ATXN7L1: variants seen among roughly 807,000 people sequenced by gnomAD.
ATXN7L1 encodes ataxin 7 like 1.
Under a neutral mutation model 70.8 loss-of-function variants are expected in ATXN7L1, and 15 were observed. That is an observed-to-expected ratio of 0.21 (90% CI 0.14 to 0.33). ATXN7L1 has a LOEUF of 0.33. ATXN7L1 is among the 10% of genes least tolerant of loss of function. ATXN7L1 has a pLI of 1.00. For synonymous variants in ATXN7L1, 440 were observed against 445.1 expected (o/e 0.99, Z 0.14); for missense variants, 975 against 1,097.1 (o/e 0.89, Z 1.57).
chr7:105,794,442 C>G (rs1805699752), intron 2 of ATXN7L1, among the ~76,000 whole-genome samples: 1 of 152,202 alleles, frequency 6.6e-6, no homozygotes, highest in Non-Finnish European at 1.5e-5. Flanking sequence ...AAATCGGCAT[C>G]CACTACAAAC....
chr7:105,854,410 G>A (rs573606126), intron 2 of ATXN7L1, among the ~76,000 whole-genome samples: 1 of 146,250 alleles, frequency 6.8e-6, no homozygotes, highest in East Asian at 2.0e-4. Context: ...AACGGCTCGA[G>A]ACAGATGCTC....
chr7:105,670,809 A>T (rs970998783), intron 3 of ATXN7L1, among the ~76,000 whole-genome samples: 1 of 152,102 alleles, frequency 6.6e-6, no homozygotes, highest in Non-Finnish European at 1.5e-5. Flanking sequence ...TAAAAATACA[A>T]AAATTAGCCG....
intron 9 of ATXN7L1, among the ~76,000 whole-genome samples, chr7:105,618,770 G>A (rs145707730): frequency 6.6e-6 from 1 of 152,332 alleles, no homozygotes; most frequent in East Asian, 1.9e-4. Flanking sequence ...CACCTTTGTA[G>A]GAGTGGGGGA....
At chr7:105,785,683 C>T (rs1028145769) in intron 3 of ATXN7L1, among the ~76,000 whole-genome samples, 9 of 152,142 alleles carry the variant, frequency 5.9e-5, no homozygotes, top group East Asian at 3.9e-4. Context: ...TGATGGTATA[C>T]GGAGTTGGGG....
chr7:105,766,862 T>G (rs1250513180), intron 3 of ATXN7L1, among the ~76,000 whole-genome samples: 2 of 152,340 alleles, frequency 1.3e-5, no homozygotes, highest in South Asian at 2.1e-4. Flanking sequence ...GAGCCATCAC[T>G]TCATCCCAGT....
intron 3 of ATXN7L1, among the ~76,000 whole-genome samples, chr7:105,743,506 C>T (rs1251991879): frequency 2.6e-5 from 4 of 152,196 alleles, no homozygotes; most frequent in Non-Finnish European, 5.9e-5. Context: ...CAATCACTGT[C>T]ACCTCTGGAA....
rs983714367 is a variant in ATXN7L1 at position 105,859,202 on chromosome 7, G to A, written c.250+16610C>T. 2.0e-5 allele frequency among the ~76,000 whole-genome samples: 3 copies of A among 152,024 alleles called. No individual in the cohort carries two copies. The East Asian group carries it at 5.8e-4, about 29-fold the overall frequency. The stretch of plus-strand genomic sequence containing the variant: ...GAGATGCATGCTGAAGTATTTAGGG[G>A]TGTCATGCTGTCTGTGACTTACCAA... On this transcript the variant is annotated intron_variant, in intron 2 of 11. Coordinates refer to ENST00000419735, the MANE Select transcript of ATXN7L1 (RefSeq NM_020725.2).
At chr7:105,636,450 C>G (rs1434989684) in intron 7 of ATXN7L1, among the ~76,000 whole-genome samples, 1 of 149,716 alleles carries the variant, frequency 6.7e-6, no homozygotes, top group Non-Finnish European at 1.5e-5. Context: ...TTCCTCTGCC[C>G]CCCCCACCCC....
At chr7:105,619,174 G>A (rs1794429532) in intron 9 of ATXN7L1, among the ~76,000 whole-genome samples, 1 of 26,886 alleles carries the variant, frequency 3.7e-5, no homozygotes, top group Non-Finnish European at 7.6e-5. Flanking sequence ...TTGAGACGGA[G>A]TCTCCCTCTG....
At chr7:105,759,036 C>T (rs1800169657) in intron 3 of ATXN7L1, among the ~76,000 whole-genome samples, 1 of 151,952 alleles carries the variant, frequency 6.6e-6, no homozygotes, top group Non-Finnish European at 1.5e-5. Context: ...TTGCATGTTG[C>T]CTCCTTTCCC....
rs1203892554 is a variant in ATXN7L1, at chr7:105,756,150, G to C, written c.355+32454C>G. 2.0e-5 allele frequency among the ~76,000 whole-genome samples: 3 copies of C among 152,114 alleles called. No individual in the cohort carries two copies. In the East Asian group the frequency reaches 5.8e-4, roughly 29 times the overall value. On this transcript the variant is annotated intron_variant, in intron 3 of 11. Transcript: ENST00000419735. ...TTTTCCTTACAATTTTTCTGTTGAA[G>C]ACTCTTGCTGTCCAATCTGCAGTTT...
At position 105,821,773 on chromosome 7, in the gene ATXN7L1, C is replaced by A. The variant is rs536849590; in HGVS notation, c.251-33065G>T. Among the ~76,000 whole-genome samples the A allele has an allele frequency of 1.1e-4, 17 of 152,328 alleles. No individual in the cohort carries two copies. In the South Asian group the frequency reaches 3.3e-3, roughly 30 times the overall value. On this transcript the variant is annotated intron_variant, in intron 2 of 11. Coordinates refer to ENST00000419735, the MANE Select transcript of ATXN7L1 (RefSeq NM_020725.2). Reference sequence around the variant, plus strand: ...TTAAATGGGATCACACGTGGCACACCTTGCACAGGCTTGCATAAAGCAAGT... The same window carrying A: ...TTAAATGGGATCACACGTGGCACACATTGCACAGGCTTGCATAAAGCAAGT...
At chr7:105,712,279 C>T (rs1456366952) in intron 3 of ATXN7L1, among the ~76,000 whole-genome samples, 1 of 152,336 alleles carries the variant, frequency 6.6e-6, no homozygotes, top group East Asian at 1.9e-4. Context: ...CTGGAATGCC[C>T]TGGAGACATT....
chr7:105,692,185 T>C (rs1168067799), intron 3 of ATXN7L1, among the ~76,000 whole-genome samples: 1 of 152,110 alleles, frequency 6.6e-6, no homozygotes, highest in Non-Finnish European at 1.5e-5. Context: ...AGGTGTCACA[T>C]GACACACTGC....
intron 7 of ATXN7L1, among the ~76,000 whole-genome samples, chr7:105,631,183 A>T (rs907762670): frequency 6.6e-6 from 1 of 152,196 alleles, no homozygotes; most frequent in African/African-American, 2.4e-5. Flanking sequence ...CTTGCTCCTG[A>T]AGCATCCTAA....
intron 2 of ATXN7L1, among the ~76,000 whole-genome samples, chr7:105,836,747 G>A (rs1220574683): frequency 6.6e-6 from 1 of 152,120 alleles, no homozygotes; most frequent in Non-Finnish European, 1.5e-5. Flanking sequence ...AGAAATACCC[G>A]AGGCTGGGTA....
intron 10 of ATXN7L1, among the ~76,000 whole-genome samples, chr7:105,611,995 T>G (rs1793200142): frequency 6.6e-6 from 1 of 152,222 alleles, no homozygotes; most frequent in Non-Finnish European, 1.5e-5. Flanking sequence ...TGCATCCGTT[T>G]TTTTGAATTC....
At chr7:105,691,681 AAAAG>A (rs1790874773) in intron 3 of ATXN7L1, 3 of 151,800 alleles carry the variant, frequency 2.0e-5, no homozygotes, top group Non-Finnish European at 2.9e-5. Flanking sequence ...AAGAAAAAAA[AAAAG>A]AGAGAGAGAG....
chr7:105,766,007 C>T (rs1331578464), intron 3 of ATXN7L1, among the ~76,000 whole-genome samples: 2 of 151,814 alleles, frequency 1.3e-5, no homozygotes, highest in South Asian at 2.1e-4. Flanking sequence ...AAGAATGTGA[C>T]CTATGGCCAC....
Sources: allele counts gnomAD v4.1 joint callset (sites outside exome capture counted in the v4.1 genomes callset), GRCh38; gene constraint gnomAD v4.1.1; transcripts MANE v1.5; gene names NCBI Gene and HGNC (gene_info 2026-07-23, HGNC 2026-07-21).